The following CAPN14 variants were observed in gnomAD, a reference collection of about 807,000 sequenced individuals.
CAPN14 encodes calpain-14.
Under a neutral mutation model 101.3 loss-of-function variants are expected in CAPN14, and 94 were observed. The ratio of observed to expected loss-of-function variants is 0.93; its 90% CI spans 0.79 to 1.10. The LOEUF is 1.10. CAPN14 is among the 50% of genes least tolerant of loss of function. The probability of loss-of-function intolerance (pLI) is 0.00; values close to 1 mark genes in which losing one functional copy is unlikely to be tolerated. For missense variants in CAPN14, 837 were observed against 828.4 expected, an observed-to-expected ratio of 1.01 and a Z score of -0.13; for synonymous variants, 338 against 317.9, an observed-to-expected ratio of 1.06 and a Z score of -0.67.
At chr2:31,221,156 A>G (rs989030403), upstream of CAPN14, among the ~76,000 whole-genome samples, 5 of 152,256 alleles carry the variant, frequency 3.3e-5, no homozygotes, top group Non-Finnish European at 5.9e-5. Flanking sequence ...ATTCACTATG[A>G]AGTTTGAAAA....
chr2:31,205,488 T>C lies in CAPN14; in HGVS notation c.-41A>G. ...CAGTCCAGTGAGTCTTCCTGAGGAG[T>C]CTCTGCTGCTCCTGAAATGGAGAGA... On this transcript the variant is annotated 5_prime_UTR_variant, in exon 2 of 22. Coordinates refer to ENST00000403897, the MANE Select transcript of CAPN14 (RefSeq NM_001145122.2). 1 of 1,457,764 alleles carries C rather than the reference T, an allele frequency of 6.9e-7. No homozygotes were observed. The highest frequency in any genetic ancestry group is 9.4e-7 in the Non-Finnish European group (1 of 1,062,916). The allele number at this position is 1,457,764 out of a possible 1,614,324, so 90.3% of individuals were successfully genotyped here.
At chr2:31,209,558 T>A (rs529087817) in intron 1 of CAPN14, among the ~76,000 whole-genome samples, 100 of 152,314 alleles carry the variant, frequency 6.6e-4, no homozygotes, top group South Asian at 3.9e-3. Context: ...AATCCCTGTA[T>A]ACAGGCAGGG....
At chr2:31,191,185 T>C (rs935629195) in intron 12 of CAPN14, among the ~76,000 whole-genome samples, 1 of 152,310 alleles carries the variant, frequency 6.6e-6, no homozygotes, top group Middle Eastern at 3.4e-3. Context: ...CATAGATGCA[T>C]GAGGATCTCT....
chr2:31,189,400 T>C lies in CAPN14; in HGVS notation c.1366A>G (p.Lys456Glu), dbSNP rs1681064836. The change falls in exon 13 of 22, where the codon AAG becomes GAG. Residue 456 changes from lysine (K) to glutamate (E), a missense_variant. Transcript: ENST00000403897. ...TPLSQPDRFLKEKEVSQELCL... is the reference protein window; with the variant it reads ...TPLSQPDRFLEEKEVSQELCL... ...AGCTCCTGACTCACTTCTTTCTCCT[T>C]GAGAAACCTATCAGGCTGGCTCAGA... 3 of 1,551,488 alleles carry C rather than the reference T, an allele frequency of 1.9e-6. No homozygotes were observed. The highest frequency in any genetic ancestry group is 2.6e-6 in the Non-Finnish European group (3 of 1,146,774).
At chr2:31,204,523 G>C (rs1452015130) in intron 2 of CAPN14, among the ~76,000 whole-genome samples, 1 of 152,156 alleles carries the variant, frequency 6.6e-6, no homozygotes, top group East Asian at 1.9e-4. Context: ...CACTGGGGAG[G>C]GGAGGGAAAC....
chr2:31,224,966 A>C (rs1682976495), intron 2 of CAPN14, among the ~76,000 whole-genome samples: 1 of 152,012 alleles, frequency 6.6e-6, no homozygotes, highest in Admixed American at 6.5e-5. Context: ...TTTTAATGAG[A>C]TTCTGATTAA....
At chr2:31,213,808 T>C (rs997784996) in intron 1 of CAPN14, among the ~76,000 whole-genome samples, 6 of 152,208 alleles carry the variant, frequency 3.9e-5, no homozygotes, top group Non-Finnish European at 7.3e-5. Context: ...TCCTGGGCAG[T>C]TTTCAGGTGG....
In CAPN14 at chr2:31,174,684, G is replaced by C; in HGVS notation, c.2052C>G (p.Ser684=). ...GGGCAGGTGAGACTCAGCCTTCTCA[G>C]GAGTACAGTGCCATCATCATCCACT... is the stretch of plus-strand genomic sequence containing the variant. ...KPEWMMMALY[S] is the part of the protein sequence containing the mutation. The change falls in exon 22 of 22, where the codon TCC becomes TCG. Residue 684 remains serine, a synonymous_variant. Coordinates refer to ENST00000403897, the MANE Select transcript of CAPN14 (RefSeq NM_001145122.2). 6.4e-7 allele frequency: 1 copy of C among 1,551,590 alleles called. No individual in the cohort carries two copies. Among genetic ancestry groups the C allele is most frequent in the Non-Finnish European group, 8.7e-7 (1 of 1,146,984 alleles).
In CAPN14 at chr2:31,191,916, G is replaced by A; in HGVS notation, c.1278+19C>T. ...CCCACGCTTGGTCCCATGCCCCTGT[G>A]GTTCAGAGGTCCACCTACCCTATAC... On this transcript the variant is annotated intron_variant, in intron 11 of 21. Transcript: ENST00000403897. The A allele has an allele frequency of 6.5e-7, 1 of 1,529,264 alleles. No homozygotes were observed. The allele number at this position is 1,529,264 out of a possible 1,614,324, so 94.7% of individuals were successfully genotyped here.
In CAPN14 at chr2:31,179,060, C is replaced by CTATATATATATATATATATA. The variant is rs60701103; in HGVS notation, c.1711-501_1711-482dup. ...TCTTCTTAACATCCTTTATTGAGTT[C>CTATATATATATATATATATA]TATATATATATATATATATATATAT... On this transcript the variant is annotated intron_variant, in intron 17 of 21. Transcript: ENST00000403897. Among the ~76,000 whole-genome samples the CTATATATATATATATATATA allele has an allele frequency of 1.2e-4, 8 of 69,200 alleles. No individual in the cohort carries two copies. In the South Asian group the frequency reaches 2.4e-3, roughly 21 times the overall value. The allele number at this position is 69,200 out of a possible 152,430, so 45.4% of individuals were successfully genotyped here.
In CAPN14 at chr2:31,200,526, G is replaced by C. The variant is rs1157532059; in HGVS notation, c.651C>G (p.Ala217=). The change falls in exon 6 of 22, where the codon GCC becomes GCG. Residue 217 remains alanine, a synonymous_variant. Coordinates refer to ENST00000403897, the MANE Select transcript of CAPN14 (RefSeq NM_001145122.2). The part of the protein sequence containing the change: ...GVTMTINLAE[A]HGNLWDILIE... ...TGAGGATGTCCCAGAGGTTGCCATG[G>C]GCTTCTGCCAGGTTGATGGTCATTG... 19 of 1,551,504 alleles carry C rather than the reference G, an allele frequency of 1.2e-5. No homozygotes were observed. The highest frequency in any genetic ancestry group is 2.7e-5 in the African/African-American group (2 of 73,040).
chr2:31,186,055 G>A (rs573331881), intron 16 of CAPN14, among the ~76,000 whole-genome samples: 1 of 152,178 alleles, frequency 6.6e-6, no homozygotes, highest in African/African-American at 2.4e-5. Flanking sequence ...AGTTCCCTGG[G>A]TAGGCTAGTT....
intron 1 of CAPN14, among the ~76,000 whole-genome samples, chr2:31,227,761 T>TA (rs1393444997): frequency 6.6e-6 from 1 of 152,220 alleles, no homozygotes; most frequent in Admixed American, 6.5e-5. Flanking sequence ...CCAACTGAAG[T>TA]AAACAGAATG....
In CAPN14 at chr2:31,180,504, T is replaced by C. The variant is rs182386297; in HGVS notation, c.1710+432A>G. Reference sequence around the variant, plus strand: ...TTAACTTCCCTGAGCACTGGTTTCCTGATCTGTGCATGGGGGCAGCCACCG... The same window carrying C: ...TTAACTTCCCTGAGCACTGGTTTCCCGATCTGTGCATGGGGGCAGCCACCG... On this transcript the variant is annotated intron_variant, in intron 17 of 21. Transcript: ENST00000403897. Among the ~76,000 whole-genome samples the C allele has an allele frequency of 4.7e-3, 718 of 152,338 alleles. 5 individuals are homozygous for C. The highest frequency in any genetic ancestry group is 0.016 in the African/African-American group (670 of 41,578).
rs961641 is a variant in CAPN14, at chr2:31,174,139, C to T, written c.*542G>A. ...CACCTGGACTCTGCCAATTCTCTTA[C>T]TGTCTGTGTTTCTGAAAGCCCACTA... On this transcript the variant is annotated 3_prime_UTR_variant, in exon 22 of 22. Coordinates refer to ENST00000403897, the MANE Select transcript of CAPN14 (RefSeq NM_001145122.2). 0.28 allele frequency: 44,261 copies of T among 155,504 alleles called. 8,578 individuals carry two copies. Among genetic ancestry groups the T allele is most frequent in the African/African-American group, 0.55 (22,780 of 41,484 alleles). The allele number at this position is 155,504 out of a possible 1,614,324, so 9.6% of individuals were successfully genotyped here.
rs150436415 is a variant in CAPN14, at chr2:31,205,941, C to T, written c.-52-442G>A. On this transcript the variant is annotated intron_variant, in intron 1 of 21. Transcript: ENST00000403897. ...ACCAGGCCTGCCAACTCCTGCCTCC[C>T]AGCTACAGACACACAGCATTCCTCC... is the stretch of plus-strand genomic sequence containing the variant. Among the ~76,000 whole-genome samples the T allele has an allele frequency of 4.3e-3, 661 of 152,160 alleles. 6 individuals carry two copies. The highest frequency in any genetic ancestry group is 0.015 in the African/African-American group (635 of 41,532).
At chr2:31,196,785 C>G (rs1572412167) in intron 8 of CAPN14, among the ~76,000 whole-genome samples, 1 of 152,056 alleles carries the variant, frequency 6.6e-6, no homozygotes, top group Non-Finnish European at 1.5e-5. Flanking sequence ...AGTGTAGAGT[C>G]CAATCCAAAT....
intron 2 of CAPN14, chr2:31,226,391 T>C (rs1208902253): frequency 6.6e-6 from 1 of 152,212 alleles, no homozygotes; most frequent in East Asian, 1.9e-4. Flanking sequence ...CTTTGTTTGC[T>C]TGTCAAAAGC....
chr2:31,217,764 A>G (rs1036386798), upstream of CAPN14, among the ~76,000 whole-genome samples: 1 of 152,072 alleles, frequency 6.6e-6, no homozygotes, highest in Non-Finnish European at 1.5e-5. Flanking sequence ...CTCACTTCCA[A>G]CCCTGGGGAG....
Sources: allele counts gnomAD v4.1 joint callset (sites outside exome capture counted in the v4.1 genomes callset), GRCh38; gene constraint gnomAD v4.1.1; transcripts MANE v1.5; gene names NCBI Gene and HGNC (gene_info 2026-07-23, HGNC 2026-07-21).